The following BCAM variants were observed in gnomAD, a reference collection of about 807,000 sequenced individuals.
BCAM encodes basal cell adhesion molecule.
In BCAM, 61 loss-of-function variants were observed where a neutral mutation model predicts 72.4. The observed-to-expected ratio is 0.84, with a 90% confidence interval of 0.69 to 1.04. BCAM has a LOEUF of 1.04. Ranked by LOEUF, BCAM falls within the 50% of genes least tolerant of loss-of-function variation. BCAM has a pLI of 0.00. For missense variants in BCAM, 909 were observed against 895.0 expected, an observed-to-expected ratio of 1.02 and a Z score of -0.20; for synonymous variants, 408 against 384.2, an observed-to-expected ratio of 1.06 and a Z score of -0.73.
intron 13 of BCAM, chr19:44,820,008 T>G: frequency 2.4e-6 from 3 of 1,247,568 alleles, no homozygotes; most frequent in Non-Finnish European, 3.0e-6. Context: ...CACCATCCCC[T>G]TCCCTAATCA....
At chr19:44,820,239 C>T (rs999063145) in intron 13 of BCAM, 4 of 1,006,434 alleles carry the variant, frequency 4.0e-6, no homozygotes, top group Admixed American at 1.1e-4. Flanking sequence ...ATCCTCCAAG[C>T]CTATCTCTCA....
At chr19:44,811,173 G>A (rs1968413831) in intron 1 of BCAM, 52 bp from the exon 2 acceptor site, 1 of 1,609,398 alleles carries the variant, frequency 6.2e-7, no homozygotes, top group Non-Finnish European at 8.5e-7. Context: ...ACCCTGTCTG[G>A]AGGGCTCTTC....
At position 44,813,557 on chromosome 19, in the gene BCAM, T is replaced by C. The variant is rs1220736466; in HGVS notation, c.721T>C (p.Tyr241His). ...RDASFHCAAH[Y>H]SLPEGRHGRL... ...CGCCAGCTTCCACTGCGCCGCCCAC[T>C]ACAGCCTGCCCGAGGGCCGCCACGG... Residue 241 changes from tyrosine (Y) to histidine (H), a missense_variant, in exon 6 of 15, where the codon TAC (tyrosine) becomes CAC (histidine). By Grantham distance (83) the Tyr-to-His change is moderately conservative (BLOSUM62 2). Transcript: ENST00000270233. The surrounding 1 kb of genome is among the most constrained non-coding windows in gnomAD (Gnocchi z 4.2). The C allele has an allele frequency of 2.5e-6, 4 of 1,612,556 alleles. No homozygotes were observed. The highest frequency in any genetic ancestry group is 1.7e-6 in the Non-Finnish European group (2 of 1,179,932).
In BCAM at chr19:44,812,481, A is replaced by C. The variant is rs1443252080; in HGVS notation, c.437A>C (p.Lys146Thr). ...EATARLNVFA[K>T]PEATEVSPNK... The stretch of plus-strand genomic sequence containing the variant: ...GACGTGAACGTCTTTTTCACAGCAA[A>C]GCCAGAGGCCACTGAGGTCTCCCCC... The change falls in exon 4 of 15, where the codon AAG (lysine) becomes ACG (threonine). Residue 146 changes from lysine to threonine, a missense_variant. Coordinates refer to ENST00000270233, the MANE Select transcript of BCAM (RefSeq NM_005581.5). The surrounding 1 kb of genome is among the most constrained non-coding windows in gnomAD (Gnocchi z 5.3). The C allele has an allele frequency of 1.9e-6, 3 of 1,614,112 alleles. No homozygotes were observed. Among genetic ancestry groups the C allele is most frequent in the Non-Finnish European group, 2.5e-6 (3 of 1,180,042 alleles).
In BCAM at chr19:44,818,529, C is replaced by A. The variant is rs141093684; in HGVS notation, c.1086C>A (p.Asp362Glu). Reference protein sequence around the residue: ...KTLELRVAYLDPLELSEGKVL... With the variant: ...KTLELRVAYLEPLELSEGKVL... ...GACTGTCCCCCACTGCAGATCTGGA[C>A]CCCCTGGAGCTCAGCGAGGGGAAGG... The change falls in exon 9 of 15, where the codon GAC becomes GAA. Residue 362 changes from aspartate (D) to glutamate (E), a missense_variant. Physicochemically the swap from Asp to Glu is conservative, Grantham distance 45. Transcript: ENST00000270233. This position sits in a 1 kb window ranked among gnomAD's most constrained non-coding sequence, Gnocchi z 4.6. 3.0e-5 allele frequency: 49 copies of A among 1,613,402 alleles called. No homozygotes were observed. Among genetic ancestry groups the A allele is most frequent in the Non-Finnish European group, 4.2e-5 (49 of 1,179,578 alleles).
Position 44,819,699 on chromosome 19 carries a change from G to A in BCAM, c.1736G>A (p.Cys579Tyr). ...GTGAGACGCAAAGGGGGCCCCTGCT[G>A]CCGCCAGCGGCGGGAGAAGGGGGCT... ...YCVRRKGGPC[C>Y]RQRREKGAPP... Residue 579 changes from cysteine (C) to tyrosine (Y), a missense_variant, in exon 13 of 15, where the codon TGC becomes TAC. Coordinates refer to ENST00000270233, the MANE Select transcript of BCAM (RefSeq NM_005581.5). 6.2e-7 allele frequency: 1 copy of A among 1,609,710 alleles called. No homozygotes were observed. The highest frequency in any genetic ancestry group is 1.1e-5 in the South Asian group (1 of 90,802).
chr19:44,818,459 TG>T lies in BCAM; in HGVS notation c.1079-61del. ...TCATGTTTGCACCCCCGACCGCCCC[TG>T]GAGAGCCCCTAATTGAGTGGGTGGC... On this transcript the variant is annotated intron_variant, in intron 8 of 14. Coordinates refer to ENST00000270233, the MANE Select transcript of BCAM (RefSeq NM_005581.5). This position sits in a 1 kb window ranked among gnomAD's most constrained non-coding sequence, Gnocchi z 4.6. The T allele has an allele frequency of 7.1e-7, 1 of 1,414,904 alleles. No individual in the cohort carries two copies. Among genetic ancestry groups the T allele is most frequent in the Non-Finnish European group, 9.9e-7 (1 of 1,010,008 alleles). 87.6% of individuals were successfully genotyped at this position (1,414,904 alleles called of 1,614,324 possible). A position where few individuals can be genotyped will look rare whatever the true frequency, so the allele number is the denominator to read the frequency against.
rs1327712342 is a variant in BCAM at position 44,809,199 on chromosome 19, G to A, written c.75G>A (p.Ala25=). The A allele has an allele frequency of 3.4e-6, 5 of 1,473,958 alleles. No individual in the cohort carries two copies. Among genetic ancestry groups the A allele is most frequent in the Non-Finnish European group, 4.5e-6 (5 of 1,114,092 alleles). The allele number at this position is 1,473,958 out of a possible 1,614,324, so 91.3% of individuals were successfully genotyped here. A position where few individuals can be genotyped will look rare whatever the true frequency, so the allele number is the denominator to read the frequency against. The change falls in exon 1 of 15, where the codon GCG becomes GCA. Residue 25 remains alanine (A), a synonymous_variant. Transcript: ENST00000270233. Reference sequence around the variant, plus strand: ...TGTTGCTCGCAGTCCTGCTGGCGGCGCACCCAGGTATGGCTCGGGCTGAGG... The same window carrying A: ...TGTTGCTCGCAGTCCTGCTGGCGGCACACCCAGGTATGGCTCGGGCTGAGG... ...RLLLLAVLLA[A]HPDAQAEVRL...
At position 44,821,120 on chromosome 19, in the gene BCAM, G is replaced by A. The variant is rs1489029487; in HGVS notation, c.*199G>A. On this transcript the variant is annotated 3_prime_UTR_variant, in exon 15 of 15. Coordinates refer to ENST00000270233, the MANE Select transcript of BCAM (RefSeq NM_005581.5). ...CGGGAGGGAAGGAGAGGGAGGGTGG[G>A]TGGGTGGGAGGGGGCCTTCCTCCAG... is the stretch of plus-strand genomic sequence containing the variant. The A allele has an allele frequency of 1.7e-6, 1 of 579,742 alleles. No homozygotes were observed. Among genetic ancestry groups the A allele is most frequent in the African/African-American group, 2.0e-5 (1 of 50,604 alleles). 35.9% of individuals were successfully genotyped at this position (579,742 alleles called of 1,614,324 possible). A position where few individuals can be genotyped will look rare whatever the true frequency, so the allele number is the denominator to read the frequency against.
In BCAM at chr19:44,814,984, C is replaced by A. The variant is rs1329596912; in HGVS notation, c.1078+224C>A. ...GCTGGTCTCGAACTCCTCATGCGATCCTCCTGCCTTGCTCTCCCAAAGTGC... is the reference window on the plus strand; with the variant it reads ...GCTGGTCTCGAACTCCTCATGCGATACTCCTGCCTTGCTCTCCCAAAGTGC... On this transcript the variant is annotated intron_variant, in intron 8 of 14. Transcript: ENST00000270233. The surrounding 1 kb of genome is among the most constrained non-coding windows in gnomAD (Gnocchi z 4.6). Among the ~76,000 whole-genome samples, 1 of 150,066 alleles carries A rather than the reference C, an allele frequency of 6.7e-6. No homozygotes were observed. The highest frequency in any genetic ancestry group is 2.5e-5 in the African/African-American group (1 of 40,738).
In BCAM at chr19:44,812,674, G is replaced by A. The variant is rs1968441547; in HGVS notation, c.504+126G>A. On this transcript the variant is annotated intron_variant, in intron 4 of 14. Transcript: ENST00000270233. The surrounding 1 kb of genome is among the most constrained non-coding windows in gnomAD (Gnocchi z 5.3). ...AATAAAGGAGGAGGGGTAAGGCCAG[G>A]CGAGGTGGCTCATGCCTGTAATCCC... 1.8e-6 allele frequency: 2 copies of A among 1,128,864 alleles called. No homozygotes were observed. Among genetic ancestry groups the A allele is most frequent in the African/African-American group, 1.6e-5 (1 of 63,542 alleles). The allele number at this position is 1,128,864 out of a possible 1,614,324, so 69.9% of individuals were successfully genotyped here.
At position 44,814,644 on chromosome 19, in the gene BCAM, A is replaced by G. The variant is rs1372008951; in HGVS notation, c.962A>G (p.Asn321Ser). The part of the protein sequence containing the change: ...EEVLNVNLEG[N>S]LTLEGVTRGQ... ...GTGCTGAATGTGAATCTCGAGGGGA[A>G]CTTGACCCTGGAGGGAGTGACCCGG... The change falls in exon 8 of 15, where the codon AAC becomes AGC. Residue 321 changes from asparagine (N) to serine (S), a missense_variant. Transcript: ENST00000270233. The surrounding 1 kb of genome is among the most constrained non-coding windows in gnomAD (Gnocchi z 4.6). 2 of 1,613,932 alleles carry G rather than the reference A, an allele frequency of 1.2e-6. No individual in the cohort carries two copies. Among genetic ancestry groups the G allele is most frequent in the Non-Finnish European group, 1.7e-6 (2 of 1,179,970 alleles).
In BCAM at chr19:44,818,964, T is replaced by A; in HGVS notation, c.1336+82T>A. ...TGGACAAACAGGACGAGTTCCTGAG[T>A]CCCTGGCTGGGGACTCCATCTTCTG... On this transcript the variant is annotated intron_variant, in intron 10 of 14. Coordinates refer to ENST00000270233, the MANE Select transcript of BCAM (RefSeq NM_005581.5). This position sits in a 1 kb window ranked among gnomAD's most constrained non-coding sequence, Gnocchi z 4.6. The A allele has an allele frequency of 6.3e-7, 1 of 1,597,502 alleles. No individual in the cohort carries two copies. The highest frequency in any genetic ancestry group is 8.5e-7 in the Non-Finnish European group (1 of 1,170,062).
At chr19:44,810,666 G>T (rs750586183) in intron 1 of BCAM, among the ~76,000 whole-genome samples, 1 of 152,218 alleles carries the variant, frequency 6.6e-6, no homozygotes, top group Non-Finnish European at 1.5e-5. Flanking sequence ...AGGTGGCCCT[G>T]CCCAGGGTGC....
chr19:44,813,173 G>T lies in BCAM; in HGVS notation c.505-77G>T. ...GGAGCCCGGCTCATGAGTCTGAGTG[G>T]GGAGAACTCCTGAGAGAGGAGCCCC... On this transcript the variant is annotated intron_variant, in intron 4 of 14. Transcript: ENST00000270233. The surrounding 1 kb of genome is among the most constrained non-coding windows in gnomAD (Gnocchi z 4.2). 6.6e-7 allele frequency: 1 copy of T among 1,508,424 alleles called. No individual in the cohort carries two copies. Among genetic ancestry groups the T allele is most frequent in the South Asian group, 1.2e-5 (1 of 84,148 alleles). The allele number at this position is 1,508,424 out of a possible 1,614,324, so 93.4% of individuals were successfully genotyped here. A position where few individuals can be genotyped will look rare whatever the true frequency, so the allele number is the denominator to read the frequency against.
At position 44,818,714 on chromosome 19, in the gene BCAM, GTCC is replaced by G. The variant is rs28399628; in HGVS notation, c.1195-15_1195-13del. The G allele has an allele frequency of 1.0e-3, 1,658 of 1,612,688 alleles. 17 individuals carry two copies. In the African/African-American group the frequency reaches 0.02, roughly 19 times the overall value. ...CCCTCACTCCTCGCCCTCTCACAGC[GTCC>G]TCCTCCTCCTCTGCCCTTCCCAGGA... On this transcript the variant is annotated intron_variant, in intron 9 of 14. Coordinates refer to ENST00000270233, the MANE Select transcript of BCAM (RefSeq NM_005581.5). This position sits in a 1 kb window ranked among gnomAD's most constrained non-coding sequence, Gnocchi z 4.6.
At position 44,813,733 on chromosome 19, in the gene BCAM, G is replaced by A; in HGVS notation, c.784+113G>A. ...CTGACCCTCTGCCTCCCTACTTCAT[G>A]CTAAAAAAAAATGTGCTAGTGCTGG... On this transcript the variant is annotated intron_variant, in intron 6 of 14. Transcript: ENST00000270233. The surrounding 1 kb of genome is among the most constrained non-coding windows in gnomAD (Gnocchi z 4.2). 1 of 1,402,158 alleles carries A rather than the reference G, an allele frequency of 7.1e-7. No homozygotes were observed. The highest frequency in any genetic ancestry group is 9.5e-7 in the Non-Finnish European group (1 of 1,049,070). The allele number at this position is 1,402,158 out of a possible 1,614,324, so 86.9% of individuals were successfully genotyped here.
In BCAM at chr19:44,814,047, G is replaced by A. The variant is rs28399616; in HGVS notation, c.785-105G>A. 4.0e-3 allele frequency: 5,482 copies of A among 1,386,176 alleles called. 175 individuals carry two copies. The African/African-American group carries it at 0.07, about 18-fold the overall frequency. 85.9% of individuals were successfully genotyped at this position (1,386,176 alleles called of 1,614,324 possible). On this transcript the variant is annotated intron_variant, in intron 6 of 14. Transcript: ENST00000270233. The surrounding 1 kb of genome is among the most constrained non-coding windows in gnomAD (Gnocchi z 4.6). ...TTGAAACCTATGACCCGTAACCTTT[G>A]ACCCGCCATAGCCCTCACCTGGGAT... is the stretch of plus-strand genomic sequence containing the variant.
chr19:44,813,824 T>G lies in BCAM; in HGVS notation c.784+204T>G, dbSNP rs970027057. Among the ~76,000 whole-genome samples the G allele has an allele frequency of 6.6e-6, 1 of 152,142 alleles. No individual in the cohort carries two copies. The highest frequency in any genetic ancestry group is 1.5e-5 in the Non-Finnish European group (1 of 68,020). ...CTGACCTCTGACCTCCGACCTCCAC[T>G]TAGCACCCTGGACCCCATGAAGTTT... On this transcript the variant is annotated intron_variant, in intron 6 of 14. Coordinates refer to ENST00000270233, the MANE Select transcript of BCAM (RefSeq NM_005581.5). This position sits in a 1 kb window ranked among gnomAD's most constrained non-coding sequence, Gnocchi z 4.2.
Sources: allele counts gnomAD v4.1 joint callset (sites outside exome capture counted in the v4.1 genomes callset), GRCh38; gene constraint gnomAD v4.1.1; non-coding constraint Gnocchi (gnomAD v3.1); transcripts MANE v1.5; gene names NCBI Gene and HGNC (gene_info 2026-07-23, HGNC 2026-07-21).